The following ZFR variants were observed in gnomAD, a reference collection of about 807,000 sequenced individuals.
The protein encoded by ZFR is zinc finger RNA-binding protein.
A neutral mutation model predicts 130.7 loss-of-function variants in ZFR; 19 were observed. The observed-to-expected ratio is 0.15, with a 90% CI of 0.10 to 0.21. The LOEUF (loss-of-function observed/expected upper bound fraction) is 0.21. ZFR is among the 10% of genes least tolerant of loss of function. The probability of loss-of-function intolerance (pLI) is 1.00; values close to 1 mark genes in which losing one functional copy is unlikely to be tolerated. For missense variants in ZFR, 872 were observed against 1,321.5 expected, an observed-to-expected ratio of 0.66 and a Z score of 5.27; for synonymous variants, 466 against 456.9, an observed-to-expected ratio of 1.02 and a Z score of -0.25.
At chr5:32,443,630 C>G (rs1754521579) in intron 2 of ZFR, among the ~76,000 whole-genome samples, 1 of 152,280 alleles carries the variant, frequency 6.6e-6, no homozygotes, top group Non-Finnish European at 1.5e-5. Context: ...GTGACACCCG[C>G]AGTTTGTCAG....
Position 32,424,710 on chromosome 5 carries a change from G to C in ZFR, c.138-4607C>G, listed in dbSNP as rs16889731. Reference sequence around the variant, plus strand: ...GAAGATTTTCTAATAAGCGGTACAGGATTGTAAAATGGAACACATTAGAAA... The same window carrying C: ...GAAGATTTTCTAATAAGCGGTACAGCATTGTAAAATGGAACACATTAGAAA... On this transcript the variant is annotated intron_variant, in intron 2 of 19. Coordinates refer to ENST00000265069, the MANE Select transcript of ZFR (RefSeq NM_016107.5). Among the ~76,000 whole-genome samples, 1,192 of 152,246 alleles carry C rather than the reference G, an allele frequency of 7.8e-3. 15 individuals are homozygous for C. Among genetic ancestry groups the C allele is most frequent in the African/African-American group, 0.027 (1,126 of 41,528 alleles).
At chr5:32,395,355 C>T (rs1374486883) in intron 10 of ZFR, 51 bp from the exon 11 acceptor site, 3 of 1,350,554 alleles carry the variant, frequency 2.2e-6, no homozygotes, top group African/African-American at 3.0e-5. Context: ...AAACAATCTA[C>T]ATGTATTTTT....
chr5:32,402,097 AC>A (rs1346888941), intron 8 of ZFR, among the ~76,000 whole-genome samples: 5 of 152,208 alleles, frequency 3.3e-5, no homozygotes, highest in Admixed American at 1.3e-4. Context: ...TTTTGAATTT[AC>A]CAGAAAGATT....
chr5:32,416,446 C>T (rs573793908), intron 4 of ZFR, among the ~76,000 whole-genome samples: 2 of 152,118 alleles, frequency 1.3e-5, no homozygotes, highest in East Asian at 3.9e-4. Context: ...GAAACCCTGT[C>T]TCTACTAAAA....
chr5:32,360,014 G>A (rs564374054), intron 19 of ZFR, among the ~76,000 whole-genome samples: 8 of 151,334 alleles, frequency 5.3e-5, no homozygotes, highest in Non-Finnish European at 8.8e-5. Context: ...TTCACTACAT[G>A]ACCATGTGTA....
chr5:32,379,883 T>C lies in ZFR; in HGVS notation c.2739+192A>G, dbSNP rs41270311. ...AAAACACTCCCCAAACCTAAGTTCA[T>C]TGTCAAATTAATAATAACTGCAATA... On this transcript the variant is annotated intron_variant, in intron 16 of 19. Transcript: ENST00000265069. 2,071 of 455,698 alleles carry C rather than the reference T, an allele frequency of 4.5e-3. 10 individuals carry two copies. Among genetic ancestry groups the C allele is most frequent in the Middle Eastern group, 0.012 (20 of 1,638 alleles). 28.2% of individuals were successfully genotyped at this position (455,698 alleles called of 1,614,324 possible).
At chr5:32,378,378 C>T (rs949539951) in intron 17 of ZFR, among the ~76,000 whole-genome samples, 2 of 151,960 alleles carry the variant, frequency 1.3e-5, no homozygotes, top group Non-Finnish European at 2.9e-5. Context: ...CAGTTTTAAA[C>T]TGTGATAGCA....
chr5:32,408,453 T>C (rs1288846208), intron 5 of ZFR, among the ~76,000 whole-genome samples: 2 of 152,192 alleles, frequency 1.3e-5, no homozygotes, highest in African/African-American at 4.8e-5. Context: ...AGTTTCTATA[T>C]AGAAGAACTG....
intron 15 of ZFR, among the ~76,000 whole-genome samples, 183 bp downstream of exon 15, chr5:32,385,325 A>G (rs532149385): frequency 6.6e-6 from 1 of 152,264 alleles, no homozygotes; most frequent in Non-Finnish European, 1.5e-5. Flanking sequence ...AAAATACATC[A>G]CTAAAAAGAG....
In ZFR at chr5:32,379,043, T is replaced by C; in HGVS notation, c.2835+72A>G. On this transcript the variant is annotated intron_variant, in intron 17 of 19. Coordinates refer to ENST00000265069, the MANE Select transcript of ZFR (RefSeq NM_016107.5). ...TGCAAATAAGGCTGATAATTACATG[T>C]AAACTGAGAGGATAAAAGCTGCAGA... 5.1e-6 allele frequency: 6 copies of C among 1,173,002 alleles called. No homozygotes were observed. The Admixed American group carries it at 9.3e-5, about 18-fold the overall frequency. The allele number at this position is 1,173,002 out of a possible 1,614,324, so 72.7% of individuals were successfully genotyped here.
intron 17 of ZFR, among the ~76,000 whole-genome samples, chr5:32,370,665 T>C (rs141175185): frequency 2.0e-4 from 31 of 152,288 alleles, no homozygotes; most frequent in African/African-American, 7.5e-4. Context: ...GTAGGAGCCA[T>C]TGTGCTAGGT....
In ZFR at chr5:32,399,274, C is replaced by CAAACAAAAACAAAAACAA. The variant is rs58380702; in HGVS notation, c.1713+715_1713+732dup. 1.4e-4 allele frequency among the ~76,000 whole-genome samples: 20 copies of CAAACAAAAACAAAAACAA among 147,924 alleles called. 1 individual carries two copies. The highest frequency in any genetic ancestry group is 4.5e-4 in the African/African-American group (18 of 39,818). ...TGGGTGGCAGAATAAGACTCTGTCT[C>CAAACAAAAACAAAAACAA]AAACAAAAACAAAAACAAAAACAAA... On this transcript the variant is annotated intron_variant, in intron 9 of 19. Transcript: ENST00000265069.
rs1010225353 is a variant in ZFR, at chr5:32,355,628, T to C, written c.*132A>G. 13 of 835,702 alleles carry C rather than the reference T, an allele frequency of 1.6e-5. No individual in the cohort carries two copies. The highest frequency in any genetic ancestry group is 1.1e-4 in the African/African-American group (6 of 56,176). 51.8% of individuals were successfully genotyped at this position (835,702 alleles called of 1,614,324 possible). Reference sequence around the variant, plus strand: ...TAACACTGTACATTTTTTAATATCATAGAAAAACTTGGTTCTTCCATGAAA... The same window carrying C: ...TAACACTGTACATTTTTTAATATCACAGAAAAACTTGGTTCTTCCATGAAA... On this transcript the variant is annotated 3_prime_UTR_variant, in exon 20 of 20. Transcript: ENST00000265069.
chr5:32,423,363 T>A (rs7700888), intron 2 of ZFR, among the ~76,000 whole-genome samples: 1,957 of 152,002 alleles, frequency 0.013, 29 homozygotes, highest in African/African-American at 0.044. Flanking sequence ...AAAAAATTTT[T>A]AAAAAATGAA....
chr5:32,410,618 T>C (rs534106557), intron 5 of ZFR, among the ~76,000 whole-genome samples: 2 of 141,384 alleles, frequency 1.4e-5, no homozygotes, highest in Non-Finnish European at 3.1e-5. Flanking sequence ...AAAAAAAAAA[T>C]TAATTAGTAA....
chr5:32,389,255 T>C (rs891447690), intron 12 of ZFR, among the ~76,000 whole-genome samples: 1 of 152,176 alleles, frequency 6.6e-6, no homozygotes, highest in Non-Finnish European at 1.5e-5. Context: ...TCACTCAATT[T>C]AGAAGTAGTA....
chr5:32,368,120 G>A (rs56112442), intron 17 of ZFR, among the ~76,000 whole-genome samples: 1 of 152,132 alleles, frequency 6.6e-6, no homozygotes, highest in Non-Finnish European at 1.5e-5. Flanking sequence ...AAAGACCTAT[G>A]TAAAACAAAT....
intron 14 of ZFR, among the ~76,000 whole-genome samples, chr5:32,387,165 T>C (rs1351484815): frequency 6.6e-6 from 1 of 152,028 alleles, no homozygotes; most frequent in African/African-American, 2.4e-5. Flanking sequence ...TTAAACTAAA[T>C]AGGCAAGAGA....
chr5:32,444,443 G>T (rs1318141179), intron 1 of ZFR, 115 bp from the exon 2 acceptor site: 1 of 1,330,376 alleles, frequency 7.5e-7, no homozygotes, highest in Non-Finnish European at 1.0e-6. Context: ...CAGCCCTGGC[G>T]GGGCCCAGGC....
Sources: allele counts gnomAD v4.1 joint callset (sites outside exome capture counted in the v4.1 genomes callset), GRCh38; gene constraint gnomAD v4.1.1; transcripts MANE v1.5; gene names NCBI Gene and HGNC (gene_info 2026-07-23, HGNC 2026-07-21).